Variants in FRAS1 observed in about 807,000 individuals in gnomAD.
The protein encoded by FRAS1 is Fraser extracellular matrix complex subunit 1.
Under a neutral mutation model 435.2 loss-of-function variants are expected in FRAS1, and 290 were observed. The ratio of observed to expected loss-of-function variants is 0.67; its 90% CI spans 0.61 to 0.73. The LOEUF (loss-of-function observed/expected upper bound fraction) is 0.73, where lower values mean the gene tolerates loss of function less well. FRAS1 is among the 30% of genes least tolerant of loss of function. The probability of loss-of-function intolerance (pLI) is 0.00; values close to 1 mark genes in which losing one functional copy is unlikely to be tolerated. For synonymous variants in FRAS1, 1,800 were observed against 1,851.0 expected, an observed-to-expected ratio of 0.97 and a Z score of 0.71; for missense variants, 4,860 against 5,001.5, an observed-to-expected ratio of 0.97 and a Z score of 0.85.
chr4:78,181,647 A>G (rs878911715), intron 2 of FRAS1: 6 of 1,609,926 alleles, frequency 3.7e-6, no homozygotes, highest in South Asian at 3.3e-5. Context: ...CTTCGTTCAC[A>G]AGGTGGTTGC....
At chr4:78,306,336 G>C (rs962769588) in intron 14 of FRAS1, among the ~76,000 whole-genome samples, 1 of 149,694 alleles carries the variant, frequency 6.7e-6, no homozygotes, top group African/African-American at 2.5e-5. Context: ...TGACAATTAT[G>C]CGTCTTGGAG....
intron 65 of FRAS1, among the ~76,000 whole-genome samples, chr4:78,514,039 A>G (rs537961293): frequency 6.6e-6 from 1 of 152,220 alleles, no homozygotes; most frequent in Non-Finnish European, 1.5e-5. Flanking sequence ...CAAGATGTTT[A>G]TTAGGGATCA....
In FRAS1 at chr4:78,282,837, A is replaced by G; in HGVS notation, c.1125A>G (p.Glu375=). ...TTGCGTAGGAGGGAGAGAAGTGGGA[A>G]GATGGCCCTTGCAAGGTGTGTGAGT... ...VKRIPEGEKW[E]DGPCKVCECR... Residue 375 remains glutamate (E), a synonymous_variant, in exon 12 of 74, where the codon GAA becomes GAG. Transcript: ENST00000512123. The G allele has an allele frequency of 6.2e-7, 1 of 1,613,450 alleles. No homozygotes were observed. The highest frequency in any genetic ancestry group is 8.5e-7 in the Non-Finnish European group (1 of 1,179,768).
chr4:78,374,429 A>G (rs1578282665), intron 25 of FRAS1, among the ~76,000 whole-genome samples, 178 bp downstream of exon 25: 1 of 152,190 alleles, frequency 6.6e-6, no homozygotes, highest in African/African-American at 2.4e-5. Flanking sequence ...GTTAATTAGG[A>G]TATAGGAGTG....
intron 30 of FRAS1, among the ~76,000 whole-genome samples, chr4:78,402,092 A>G (rs920249143): frequency 1.5e-4 from 23 of 150,990 alleles, no homozygotes; most frequent in Admixed American, 1.1e-3. Context: ...AGCAGATTTA[A>G]AATGATTTAA....
chr4:78,444,684 C>A (rs1221064107), intron 41 of FRAS1, among the ~76,000 whole-genome samples: 1 of 151,708 alleles, frequency 6.6e-6, no homozygotes, highest in Non-Finnish European at 1.5e-5. Flanking sequence ...AAGTAAAAAA[C>A]AAGACATCTA....
At chr4:78,172,531 T>C (rs944624046) in intron 2 of FRAS1, among the ~76,000 whole-genome samples, 9 of 152,116 alleles carry the variant, frequency 5.9e-5, no homozygotes, top group Non-Finnish European at 1.2e-4. Context: ...TTTTAGTTAG[T>C]TTCTAATCTT....
chr4:78,409,049 GT>G (rs1246350069), intron 31 of FRAS1, among the ~76,000 whole-genome samples: 1 of 131,430 alleles, frequency 7.6e-6, no homozygotes, highest in East Asian at 2.2e-4. Flanking sequence ...AGCCTGGGAG[GT>G]GGAGGCTGCA....
At chr4:78,434,685 A>G (rs1361793317) in intron 38 of FRAS1, among the ~76,000 whole-genome samples, 2 of 152,162 alleles carry the variant, frequency 1.3e-5, no homozygotes, top group Non-Finnish European at 2.9e-5. Flanking sequence ...AGAATTTATC[A>G]AGGAGCCAGA....
chr4:78,375,952 A>G lies in FRAS1; in HGVS notation c.3292+73A>G, dbSNP rs1234998921. On this transcript the variant is annotated intron_variant, in intron 26 of 73. Transcript: ENST00000512123. ...CTATGTGAAGGCTGAGTTTGCAGAC[A>G]TAATTGACTTATGTGATATAAAATG... 6.4e-5 allele frequency: 98 copies of G among 1,533,326 alleles called. 1 individual carries two copies. The highest frequency in any genetic ancestry group is 1.4e-5 in the Non-Finnish European group (16 of 1,111,548). The allele number at this position is 1,533,326 out of a possible 1,614,324, so 95.0% of individuals were successfully genotyped here.
At chr4:78,521,376 G>A (rs1207046333) in intron 67 of FRAS1, 147 bp from the exon 68 acceptor site, 3 of 556,528 alleles carry the variant, frequency 5.4e-6, no homozygotes, top group African/African-American at 4.0e-5. Context: ...ATTGGCATAT[G>A]TTTCTATAGA....
Position 78,466,276 on chromosome 4 carries a change from G to A in FRAS1, c.7098G>A (p.Gly2366=). The change falls in exon 50 of 74, where the codon GGG becomes GGA. Residue 2366 remains glycine (G), a synonymous_variant. Coordinates refer to ENST00000512123, the MANE Select transcript of FRAS1 (RefSeq NM_025074.7). ...RHGTIERTSN[G]QHFHLTSTFT... ...GCACCATCGAGCGAACCAGCAATGG[G>A]CAGCATTTCCACCTCACCTCCACCT... is the stretch of plus-strand genomic sequence containing the variant. 6.2e-7 allele frequency: 1 copy of A among 1,613,886 alleles called. No homozygotes were observed. Among genetic ancestry groups the A allele is most frequent in the South Asian group, 1.1e-5 (1 of 91,074 alleles).
At chr4:78,200,870 A>AAAATAT (rs1553929569) in intron 2 of FRAS1, among the ~76,000 whole-genome samples, 2 of 139,720 alleles carry the variant, frequency 1.4e-5, no homozygotes, top group African/African-American at 5.6e-5. Context: ...GCATGCCTTG[A>AAAATAT]ATATATATAT....
intron 2 of FRAS1, among the ~76,000 whole-genome samples, chr4:78,121,362 C>T (rs1000331761): frequency 2.0e-5 from 3 of 152,284 alleles, no homozygotes; most frequent in African/African-American, 7.2e-5. Flanking sequence ...AAACAAGCCC[C>T]CCACATACTG....
intron 2 of FRAS1, among the ~76,000 whole-genome samples, chr4:78,077,422 GATAAATTATT>G (rs1169290215): frequency 6.6e-6 from 1 of 151,898 alleles, no homozygotes; most frequent in Non-Finnish European, 1.5e-5. Flanking sequence ...TTGTTTTGTA[GATAAATTATT>G]ATTATTTTAA....
intron 2 of FRAS1, among the ~76,000 whole-genome samples, chr4:78,163,612 T>G (rs12504233): frequency 0.55 from 83,652 of 151,978 alleles, 24,484 homozygotes; most frequent in South Asian, 0.68. Context: ...TAGTTTAAAT[T>G]ATGATAAATG....
chr4:78,330,090 C>T (rs1215571912), intron 18 of FRAS1, among the ~76,000 whole-genome samples: 5 of 152,188 alleles, frequency 3.3e-5, no homozygotes, highest in Non-Finnish European at 7.3e-5. Flanking sequence ...AACAGAGGGA[C>T]CGGCTGAAGC....
In FRAS1 at chr4:78,243,543, C is replaced by T. The variant is rs114772215; in HGVS notation, c.217-1690C>T. Among the ~76,000 whole-genome samples the T allele has an allele frequency of 4.4e-3, 673 of 152,186 alleles. 7 individuals are homozygous for T. Among genetic ancestry groups the T allele is most frequent in the African/African-American group, 0.015 (627 of 41,524 alleles). ...TTGATTCTCATTCTTCAAGCACCCA[C>T]ATGCAAAATTTTTATTCCTCCTTTA... is the stretch of plus-strand genomic sequence containing the variant. On this transcript the variant is annotated intron_variant, in intron 3 of 73. Transcript: ENST00000512123.
intron 25 of FRAS1, 150 bp downstream of exon 25, chr4:78,374,401 C>T (rs1560689129): frequency 1.5e-6 from 1 of 673,354 alleles, no homozygotes. Flanking sequence ...GCTTCCCATG[C>T]ATATCTGCCG....
Sources: gnomAD v4.1 joint callset for allele counts (sites outside exome capture counted in the v4.1 genomes callset) on GRCh38, gnomAD v4.1.1 for gene constraint, MANE v1.5 for transcripts, NCBI Gene and HGNC (gene_info 2026-07-23, HGNC 2026-07-21) for gene names.